The following PCDH15 variants were observed in gnomAD, a reference collection of about 807,000 sequenced individuals.
PCDH15 encodes the protein protocadherin-15.
PCDH15 carries 129 observed loss-of-function variants against 178.5 expected under a neutral mutation model. The ratio of observed to expected loss-of-function variants is 0.72; its 90% CI spans 0.63 to 0.84. The LOEUF is 0.84. PCDH15 is among the 40% of genes least tolerant of loss of function. The probability of loss-of-function intolerance (pLI) is 0.00; values close to 1 mark genes in which losing one functional copy is unlikely to be tolerated. For missense variants in PCDH15, 2,230 were observed against 2,099.9 expected (o/e 1.06, Z -1.21); for synonymous variants, 800 against 732.0 (o/e 1.09, Z -1.50).
intron 18 of PCDH15, among the ~76,000 whole-genome samples, chr10:54,057,661 T>G (rs1434372649): frequency 2.0e-5 from 3 of 152,270 alleles, no homozygotes; most frequent in African/African-American, 7.2e-5. Flanking sequence ...CCTGGAGACA[T>G]TTCCCCCATT....
At chr10:54,655,252 AAGAAAGAGAGAG>A (rs1194977242) in intron 2 of PCDH15, among the ~76,000 whole-genome samples, 826 of 46,320 alleles carry the variant, frequency 0.018, 4 homozygotes, top group Non-Finnish European at 0.023. Flanking sequence ...GAAAGAAAGA[AAGAAAGAGAGAG>A]AGAGAGAGAG....
chr10:53,896,571 C>A (rs10740557), intron 26 of PCDH15, among the ~76,000 whole-genome samples: 2 of 151,540 alleles, frequency 1.3e-5, no homozygotes, highest in East Asian at 3.9e-4. Context: ...ACAGGGGTCC[C>A]CAACCCTCAG....
chr10:53,975,726 T>C (rs2090131285), intron 21 of PCDH15, among the ~76,000 whole-genome samples: 1 of 150,594 alleles, frequency 6.6e-6, no homozygotes, highest in African/African-American at 2.5e-5. Context: ...AGGTTGTCTG[T>C]TTACTTTGTT....
chr10:55,079,888 G>A (rs1408226620), intron 2 of PCDH15, among the ~76,000 whole-genome samples: 1 of 152,100 alleles, frequency 6.6e-6, no homozygotes, highest in Non-Finnish European at 1.5e-5. Flanking sequence ...CTCTGGTGGG[G>A]AGGGACTGGT....
intron 2 of PCDH15, among the ~76,000 whole-genome samples, chr10:54,999,500 G>C (rs1454645300): frequency 6.6e-6 from 1 of 152,172 alleles, no homozygotes; most frequent in African/African-American, 2.4e-5. Context: ...TTAATGTTCA[G>C]GAAAGATTGG....
At chr10:54,763,094 T>C (rs1267584828) in intron 1 of PCDH15, among the ~76,000 whole-genome samples, 1 of 152,150 alleles carries the variant, frequency 6.6e-6, no homozygotes, top group Non-Finnish European at 1.5e-5. Flanking sequence ...TCATTTGTCT[T>C]CTGGGTAATA....
intron 3 of PCDH15, among the ~76,000 whole-genome samples, chr10:54,853,026 C>T (rs1298377102): frequency 3.3e-5 from 5 of 150,872 alleles, no homozygotes; most frequent in South Asian, 2.1e-4. Context: ...TTTGGGAGGC[C>T]GAGGCAGGCA....
At chr10:55,142,063 T>C (rs1041508174) in intron 2 of PCDH15, among the ~76,000 whole-genome samples, 9 of 152,086 alleles carry the variant, frequency 5.9e-5, no homozygotes. Context: ...TGTTAGAGAA[T>C]GAGATCATTG....
chr10:55,133,718 T>C (rs1169895102), intron 2 of PCDH15, among the ~76,000 whole-genome samples: 2 of 152,182 alleles, frequency 1.3e-5, no homozygotes, highest in Non-Finnish European at 2.9e-5. Flanking sequence ...CCTATCTATT[T>C]TGGTTTTTGG....
At chr10:53,879,907 C>A (rs980525125) in intron 26 of PCDH15, among the ~76,000 whole-genome samples, 3 of 152,202 alleles carry the variant, frequency 2.0e-5, no homozygotes, top group Admixed American at 2.0e-4. Context: ...CTGCCTTGGC[C>A]TCCCAAAGTG....
chr10:53,935,435 T>C, intron 25 of PCDH15, among the ~76,000 whole-genome samples: 1 of 152,126 alleles, frequency 6.6e-6, no homozygotes, highest in African/African-American at 2.4e-5. Flanking sequence ...ACAGGAAACA[T>C]ATGAGCAGTG....
At chr10:53,835,701 G>C (rs2077267043) in intron 29 of PCDH15, among the ~76,000 whole-genome samples, 1 of 152,132 alleles carries the variant, frequency 6.6e-6, no homozygotes, top group African/African-American at 2.4e-5. Flanking sequence ...ATGATTACTT[G>C]AGCTCAGGAG....
At chr10:53,966,540 C>T (rs2089040387) in intron 21 of PCDH15, among the ~76,000 whole-genome samples, 1 of 151,932 alleles carries the variant, frequency 6.6e-6, no homozygotes, top group African/African-American at 2.4e-5. Flanking sequence ...AGCTCTAATT[C>T]CTAATATTAT....
Position 55,416,951 on chromosome 10 carries a change from A to G in PCDH15, c.-156+210674T>C, listed in dbSNP as rs540638979. On this transcript the variant is annotated intron_variant, in intron 2 of 5. Coordinates refer to the PCDH15 transcript ENST00000613346. ...AAACATGTTGACACAGCATTGTGAA[A>G]TTTTCTAACAGGGACTATAAAGACA... 5.3e-5 allele frequency among the ~76,000 whole-genome samples: 8 copies of G among 151,832 alleles called. No individual in the cohort carries two copies. In the South Asian group the frequency reaches 1.7e-3, roughly 31 times the overall value.
At chr10:55,595,915 T>C (rs186692262) in intron 2 of PCDH15, among the ~76,000 whole-genome samples, 1 of 152,226 alleles carries the variant, frequency 6.6e-6, no homozygotes, top group East Asian at 1.9e-4. Flanking sequence ...ATAGTGCCCA[T>C]TTAAGAACGT....
chr10:53,873,945 G>A (rs1051714868), intron 26 of PCDH15, among the ~76,000 whole-genome samples: 4 of 152,092 alleles, frequency 2.6e-5, no homozygotes, highest in South Asian at 2.1e-4. Flanking sequence ...GGACGGCCTC[G>A]CTAGGCACTT....
intron 2 of PCDH15, among the ~76,000 whole-genome samples, chr10:55,327,809 T>C (rs1446218456): frequency 6.6e-6 from 1 of 152,036 alleles, no homozygotes; most frequent in Non-Finnish European, 1.5e-5. Context: ...ACGCTAAAAA[T>C]AGTAAAAATG....
At position 54,185,402 on chromosome 10, in the gene PCDH15, T is replaced by C. The variant is rs1325778076; in HGVS notation, c.1306-134A>G. 4.2e-5 allele frequency: 42 copies of C among 993,388 alleles called. No homozygotes were observed. The Admixed American group carries it at 8.5e-4, about 20-fold the overall frequency. 61.5% of individuals were successfully genotyped at this position (993,388 alleles called of 1,614,324 possible). On this transcript the variant is annotated intron_variant, in intron 11 of 37. Coordinates refer to ENST00000644397, the MANE Select transcript of PCDH15 (RefSeq NM_001384140.1). Reference sequence around the variant, plus strand: ...ATTAAGAATTTCTAACGATAAAAGATATTTAACTAGATATTTACTCAAATG... The same window carrying C: ...ATTAAGAATTTCTAACGATAAAAGACATTTAACTAGATATTTACTCAAATG...
At chr10:54,244,413 G>T (rs1205128190) in intron 8 of PCDH15, among the ~76,000 whole-genome samples, 1 of 152,050 alleles carries the variant, frequency 6.6e-6, no homozygotes, top group African/African-American at 2.4e-5. Context: ...TAAAAACCTT[G>T]GCTGGTGGTA....
Sources: gnomAD v4.1 joint callset for allele counts (sites outside exome capture counted in the v4.1 genomes callset) on GRCh38, gnomAD v4.1.1 for gene constraint, MANE v1.5 for transcripts, NCBI Gene and HGNC (gene_info 2026-07-23, HGNC 2026-07-21) for gene names.